The following PREX1 variants were observed in gnomAD, a reference collection of about 807,000 sequenced individuals.
PREX1 encodes the protein phosphatidylinositol 3,4,5-trisphosphate-dependent Rac exchanger 1 protein.
A neutral mutation model predicts 198.3 loss-of-function variants in PREX1; 41 were observed. The ratio of observed to expected loss-of-function variants is 0.21; its 90% CI spans 0.16 to 0.27. PREX1 has a LOEUF of 0.27. Among genes scored for constraint, PREX1 ranks in the 10% least tolerant of loss-of-function variants. The pLI, the probability that PREX1 is intolerant of heterozygous loss-of-function variation, is 1.00. For synonymous variants in PREX1, 843 were observed against 887.2 expected (o/e 0.95, Z 0.89); for missense variants, 1,620 against 2,200.7 (o/e 0.74, Z 5.28).
rs963597409 is a variant in PREX1, at chr20:48,718,319, G to A, written c.621+7971C>T. Among the ~76,000 whole-genome samples, 9 of 152,200 alleles carry A rather than the reference G, an allele frequency of 5.9e-5. No individual in the cohort carries two copies. The East Asian group carries it at 1.7e-3, about 29-fold the overall frequency. On this transcript the variant is annotated intron_variant, in intron 5 of 39. Coordinates refer to ENST00000371941, the MANE Select transcript of PREX1 (RefSeq NM_020820.4). ...AAAGGGTAAAATGGTGAGAGATGGT[G>A]GTGATTGATGGTGATGGTAATGGTG...
chr20:48,676,241 G>A lies in PREX1; in HGVS notation c.1617C>T (p.Tyr539=), dbSNP rs2089708279. ...IKDRDYHLKT[Y]KSVLPGSKLV... ...GCTTGCTCCCGGGAAGCACTGACTT[G>A]TAGGTCTTCAGGTGGTAATCACGGT... Residue 539 remains tyrosine, a synonymous_variant, in exon 14 of 40, where the codon TAC becomes TAT. Coordinates refer to ENST00000371941, the MANE Select transcript of PREX1 (RefSeq NM_020820.4). 1 of 1,614,084 alleles carries A rather than the reference G, an allele frequency of 6.2e-7. No individual in the cohort carries two copies. The highest frequency in any genetic ancestry group is 8.5e-7 in the Non-Finnish European group (1 of 1,179,986).
intron 1 of PREX1, among the ~76,000 whole-genome samples, chr20:48,808,627 A>ACAACACCACCTCACTCAG (rs2090422110): frequency 6.6e-6 from 1 of 152,156 alleles, no homozygotes; most frequent in Admixed American, 6.5e-5. Context: ...CACTCCAAGG[A>ACAACACCACCTCACTCAG]CAACACCACC....
At chr20:48,866,595 T>C in the PREX1 span, among the ~76,000 whole-genome samples, 1 of 152,136 alleles carries the variant, frequency 6.6e-6, no homozygotes, top group African/African-American at 2.4e-5. Flanking sequence ...GCCCCTCCCA[T>C]GGGGCGAGGG....
intron 1 of PREX1, among the ~76,000 whole-genome samples, chr20:48,825,292 G>C (rs372364876): frequency 5.6e-4 from 85 of 152,294 alleles, no homozygotes; most frequent in Middle Eastern, 6.8e-3. Context: ...AAAAGGCCCA[G>C]GCAGAAAGGA....
intron 1 of PREX1, among the ~76,000 whole-genome samples, chr20:48,825,536 C>T (rs529115478): frequency 1.2e-4 from 19 of 152,092 alleles, no homozygotes; most frequent in Admixed American, 3.3e-4. Flanking sequence ...TGGTTGGCTC[C>T]AATCAATTTC....
the PREX1 span, among the ~76,000 whole-genome samples, chr20:48,857,848 A>C: frequency 1.3e-5 from 2 of 152,344 alleles, no homozygotes; most frequent in South Asian, 4.1e-4. Context: ...GGGAGTTTGC[A>C]TATGAGCTGG....
At chr20:48,740,760 T>G (rs2090077722) in intron 3 of PREX1, among the ~76,000 whole-genome samples, 1 of 152,262 alleles carries the variant, frequency 6.6e-6, no homozygotes, top group Non-Finnish European at 1.5e-5. Context: ...TATCACACAC[T>G]GAGAACGCTG....
chr20:48,743,312 T>A (rs1218866470), intron 3 of PREX1, among the ~76,000 whole-genome samples: 2 of 152,168 alleles, frequency 1.3e-5, no homozygotes, highest in Admixed American at 6.5e-5. Context: ...CCTTTTCATT[T>A]TCCTATTCAA....
chr20:48,693,748 C>A (rs527237519), intron 7 of PREX1, among the ~76,000 whole-genome samples: 21 of 151,762 alleles, frequency 1.4e-4, no homozygotes, highest in Admixed American at 5.2e-4. Context: ...ACTGGGACTA[C>A]AGGCATGTCT....
intron 16 of PREX1, among the ~76,000 whole-genome samples, chr20:48,659,113 T>A (rs1424655832): frequency 2.1e-5 from 3 of 142,184 alleles, no homozygotes; most frequent in African/African-American, 7.9e-5. Flanking sequence ...TCTGTTGTCC[T>A]AGCCACTGGG....
chr20:48,686,934 A>G (rs897908091), intron 10 of PREX1, among the ~76,000 whole-genome samples: 1 of 152,142 alleles, frequency 6.6e-6, no homozygotes, highest in Non-Finnish European at 1.5e-5. Context: ...TCAGCATTTC[A>G]GCCTCCACCG....
the PREX1 span, among the ~76,000 whole-genome samples, chr20:48,857,274 G>T: frequency 6.6e-6 from 1 of 152,132 alleles, no homozygotes; most frequent in African/African-American, 2.4e-5. Context: ...GAGACACTTG[G>T]GCTCCACAGT....
rs1455635793 is a variant in PREX1 at position 48,666,527 on chromosome 20, A to G, written c.1666-172T>C. ...GGGTTTGTGATTATTATTTTTTATTATTATTATTATTTTTTTGAGACAGAG... is the reference window on the plus strand; with the variant it reads ...GGGTTTGTGATTATTATTTTTTATTGTTATTATTATTTTTTTGAGACAGAG... On this transcript the variant is annotated intron_variant, in intron 14 of 39. Transcript: ENST00000371941. The surrounding 1 kb of genome is among the most constrained non-coding windows in gnomAD (Gnocchi z 4.3). 8.5e-6 allele frequency among the ~76,000 whole-genome samples: 1 copy of G among 117,288 alleles called. No individual in the cohort carries two copies. The highest frequency in any genetic ancestry group is 3.4e-5 in the African/African-American group (1 of 28,988). 76.9% of individuals were successfully genotyped at this position (117,288 alleles called of 152,430 possible). A position where few individuals can be genotyped will look rare whatever the true frequency, so the allele number is the denominator to read the frequency against.
intron 1 of PREX1, among the ~76,000 whole-genome samples, chr20:48,777,965 A>G: frequency 6.6e-6 from 1 of 152,156 alleles, no homozygotes; most frequent in Non-Finnish European, 1.5e-5. Context: ...GAAGCCATGC[A>G]AGGAAAGTGA....
At chr20:48,680,167 G>A (rs143742506) in intron 11 of PREX1, among the ~76,000 whole-genome samples, 1 of 152,118 alleles carries the variant, frequency 6.6e-6, no homozygotes, top group Non-Finnish European at 1.5e-5. Context: ...TGAGATTTAC[G>A]GAGCCATCTC....
chr20:48,819,572 G>A (rs1228501813), intron 1 of PREX1, among the ~76,000 whole-genome samples: 5 of 152,082 alleles, frequency 3.3e-5, no homozygotes, highest in Admixed American at 6.5e-5. Context: ...AGCCTCTCCC[G>A]GCTTTAGTTT....
the PREX1 span, among the ~76,000 whole-genome samples, chr20:48,878,209 T>A: frequency 6.6e-6 from 1 of 152,192 alleles, no homozygotes; most frequent in Non-Finnish European, 1.5e-5. Flanking sequence ...TAGTCTCCCC[T>A]TCGTTCACTC....
rs770530690 is a variant in PREX1 at position 48,651,601 on chromosome 20, T to C, written c.2468-18A>G. 17 of 1,609,188 alleles carry C rather than the reference T, an allele frequency of 1.1e-5. No homozygotes were observed. Among genetic ancestry groups the C allele is most frequent in the Non-Finnish European group, 1.4e-5 (17 of 1,177,598 alleles). ...TGGGAAGGCTGGAAGCCAAAAGAGG[T>C]GACATCTGAGCAGAGATCAGAGGGA... On this transcript the variant is annotated intron_variant, in intron 21 of 39. Coordinates refer to ENST00000371941, the MANE Select transcript of PREX1 (RefSeq NM_020820.4).
intron 5 of PREX1, among the ~76,000 whole-genome samples, chr20:48,712,939 C>T (rs1472477736): frequency 6.6e-6 from 1 of 152,146 alleles, no homozygotes; most frequent in Non-Finnish European, 1.5e-5. Flanking sequence ...GCCTGGCCAG[C>T]ATGGTGAAAC....
Sources: allele counts gnomAD v4.1 joint callset (sites outside exome capture counted in the v4.1 genomes callset), GRCh38; gene constraint gnomAD v4.1.1; non-coding constraint Gnocchi (gnomAD v3.1); transcripts MANE v1.5; gene names NCBI Gene and HGNC (gene_info 2026-07-23, HGNC 2026-07-21).